PLCB1: variants seen among roughly 807,000 people sequenced by gnomAD.
PLCB1 encodes phospholipase C beta 1.
Under a neutral mutation model 161.8 loss-of-function variants are expected in PLCB1, and 46 were observed. That is an observed-to-expected ratio of 0.28 (90% confidence interval 0.22 to 0.36). PLCB1 has a LOEUF of 0.36. Among genes scored for constraint, PLCB1 ranks in the 10% least tolerant of loss-of-function variants. PLCB1 has a pLI of 1.00. For missense variants in PLCB1, 1,016 were observed against 1,472.5 expected (o/e 0.69, Z 5.07); for synonymous variants, 517 against 503.7 (o/e 1.03, Z -0.35).
Position 8,371,449 on chromosome 20 carries a change from A to G in PLCB1, c.245A>G (p.Lys82Arg), listed in dbSNP as rs1600350860. ...TGTGGGAGACACGCCAAAGCTCCCAAGGTAGGAGGTTGAGTGTTGTGCATG... is the reference window on the plus strand; with the variant it reads ...TGTGGGAGACACGCCAAAGCTCCCAGGGTAGGAGGTTGAGTGTTGTGCATG... ...ARCGRHAKAP[K>R]DPKLRELLDV... Residue 82 changes from lysine (K) to arginine (R), a missense_variant and splice_region_variant, in exon 3 of 32, where the codon AAG becomes AGG. Lys to Arg is a conservative substitution (Grantham distance 26, BLOSUM62 2). Around this residue, in one of 10 missense-constraint regions of PLCB1, gnomAD observed 181 missense variants for 236.7 expected, o/e 0.76. Coordinates refer to ENST00000338037, the MANE Select transcript of PLCB1 (RefSeq NM_015192.4). 1 of 1,610,036 alleles carries G rather than the reference A, an allele frequency of 6.2e-7. No individual in the cohort carries two copies.
intron 7 of PLCB1, among the ~76,000 whole-genome samples, chr20:8,653,743 C>T (rs1411618927): frequency 7.9e-5 from 12 of 151,732 alleles, no homozygotes; most frequent in Non-Finnish European, 1.2e-4. Flanking sequence ...TGCAGACCAC[C>T]GTCCCAAAAC....
intron 2 of PLCB1, among the ~76,000 whole-genome samples, chr20:8,192,586 A>T (rs1429729950): frequency 2.6e-5 from 4 of 151,676 alleles, no homozygotes; most frequent in African/African-American, 9.7e-5. Flanking sequence ...CCTCATCCCT[A>T]AGCCAGTTAT....
chr20:8,345,105 A>G (rs1345249607), intron 2 of PLCB1, among the ~76,000 whole-genome samples: 1 of 152,218 alleles, frequency 6.6e-6, no homozygotes, highest in Non-Finnish European at 1.5e-5. Flanking sequence ...AAGAAGCTTC[A>G]AAACTGTCAA....
intron 31 of PLCB1, among the ~76,000 whole-genome samples, chr20:8,795,702 C>A (rs1000819027): frequency 6.6e-6 from 1 of 151,886 alleles, no homozygotes; most frequent in African/African-American, 2.4e-5. Flanking sequence ...ATGGGGAAAC[C>A]CCATCTCTAC....
chr20:8,422,250 C>G (rs929861293), intron 3 of PLCB1, among the ~76,000 whole-genome samples: 3 of 152,128 alleles, frequency 2.0e-5, no homozygotes, highest in African/African-American at 7.2e-5. Flanking sequence ...ACTAACACTT[C>G]AAGAAGAAGA....
chr20:8,632,617 T>C (rs996429262), intron 4 of PLCB1, among the ~76,000 whole-genome samples: 12 of 152,226 alleles, frequency 7.9e-5, no homozygotes, highest in Non-Finnish European at 7.4e-5. Flanking sequence ...TAGCCATCTC[T>C]AGGAAGTGAC....
At chr20:8,246,353 A>G (rs1169834688) in intron 2 of PLCB1, among the ~76,000 whole-genome samples, 1 of 151,956 alleles carries the variant, frequency 6.6e-6, no homozygotes, top group Non-Finnish European at 1.5e-5. Flanking sequence ...GACTTCAGCT[A>G]TGAAAATAGG....
In PLCB1 at chr20:8,576,244, T is replaced by G. The variant is rs77182162; in HGVS notation, c.247-52050T>G. ...CTGAAGCACTTAACCTGATTTTATA[T>G]CTTAATAAAGGAACACTATTTAGGA... On this transcript the variant is annotated intron_variant, in intron 3 of 31. Coordinates refer to ENST00000338037, the MANE Select transcript of PLCB1 (RefSeq NM_015192.4). Among the ~76,000 whole-genome samples, 1,164 of 152,326 alleles carry G rather than the reference T, an allele frequency of 7.6e-3. 16 individuals are homozygous for G. The highest frequency in any genetic ancestry group is 0.026 in the African/African-American group (1,098 of 41,570).
intron 3 of PLCB1, among the ~76,000 whole-genome samples, chr20:8,443,006 G>A (rs1365609178): frequency 1.5e-4 from 23 of 149,036 alleles, no homozygotes; most frequent in African/African-American, 5.2e-4. Context: ...TTGAGATGGA[G>A]TCTCGTCCTG....
intron 31 of PLCB1, among the ~76,000 whole-genome samples, chr20:8,864,163 G>A (rs78171808): frequency 0.015 from 2,252 of 152,220 alleles, 58 homozygotes; most frequent in African/African-American, 0.051. Flanking sequence ...CAAAGAGAAA[G>A]GGGGAAATGA....
At chr20:8,712,738 G>T (rs1979086819) in intron 12 of PLCB1, among the ~76,000 whole-genome samples, 1 of 152,136 alleles carries the variant, frequency 6.6e-6, no homozygotes, top group African/African-American at 2.4e-5. Flanking sequence ...CAAACTGGAG[G>T]ATTTGCTCCC....
chr20:8,539,656 C>T (rs1193983708), intron 3 of PLCB1, among the ~76,000 whole-genome samples: 1 of 92,854 alleles, frequency 1.1e-5, no homozygotes, highest in East Asian at 2.8e-4. Flanking sequence ...TTCTTTCTTT[C>T]TTTCTTTCTT....
chr20:8,733,645 G>A (rs986154817), intron 19 of PLCB1, among the ~76,000 whole-genome samples: 4 of 142,406 alleles, frequency 2.8e-5, no homozygotes, highest in East Asian at 3.9e-4. Context: ...GTTGTGGGGT[G>A]GGGGGAGCGG....
intron 3 of PLCB1, among the ~76,000 whole-genome samples, chr20:8,429,102 G>C (rs557041717): frequency 6.6e-6 from 1 of 152,138 alleles, no homozygotes; most frequent in Admixed American, 6.5e-5. Flanking sequence ...TTACTTGCTT[G>C]TATCTTACCC....
intron 3 of PLCB1, among the ~76,000 whole-genome samples, chr20:8,530,887 T>G (rs1984787164): frequency 6.6e-6 from 1 of 152,102 alleles, no homozygotes; most frequent in East Asian, 1.9e-4. Context: ...TAATTATCTT[T>G]TTCATTACCA....
chr20:8,614,584 C>CTGTG (rs71331317), intron 3 of PLCB1, among the ~76,000 whole-genome samples: 3,375 of 147,180 alleles, frequency 0.023, 51 homozygotes, highest in Middle Eastern at 0.066. Flanking sequence ...ATGTAAAATT[C>CTGTG]TGTGTGTGTG....
At position 8,157,245 on chromosome 20, in the gene PLCB1, T is replaced by C. The variant is rs139213742; in HGVS notation, c.177+6874T>C. ...GGACCCTTGGAAATTTGAAGCATCGTATGGAACAACTTTTAAGATGATTTA... is the reference window on the plus strand; with the variant it reads ...GGACCCTTGGAAATTTGAAGCATCGCATGGAACAACTTTTAAGATGATTTA... On this transcript the variant is annotated intron_variant, in intron 2 of 31. Transcript: ENST00000338037. Among the ~76,000 whole-genome samples, 77 of 152,316 alleles carry C rather than the reference T, an allele frequency of 5.1e-4. No homozygotes were observed. In the South Asian group the frequency reaches 9.3e-3, roughly 18 times the overall value.
At chr20:8,292,305 A>G (rs781577448) in intron 2 of PLCB1, among the ~76,000 whole-genome samples, 1 of 152,064 alleles carries the variant, frequency 6.6e-6, no homozygotes, top group Non-Finnish European at 1.5e-5. Context: ...TTTAATCTCA[A>G]TGTCTGGTAA....
At chr20:8,609,216 ATTACT>A in intron 3 of PLCB1, among the ~76,000 whole-genome samples, 1 of 152,296 alleles carries the variant, frequency 6.6e-6, no homozygotes, top group South Asian at 2.1e-4. Context: ...GGTTTTTGTC[ATTACT>A]TTCAATGGCA....
Sources: allele counts gnomAD v4.1 joint callset (sites outside exome capture counted in the v4.1 genomes callset), GRCh38; gene constraint gnomAD v4.1.1; regional missense constraint gnomAD v4.1.1; transcripts MANE v1.5; gene names NCBI Gene and HGNC (gene_info 2026-07-23, HGNC 2026-07-21).